Variants in FRMPD1 observed in about 807,000 individuals in gnomAD.
The protein encoded by FRMPD1 is FERM and PDZ domain-containing protein 1.
Under a neutral mutation model 117.8 loss-of-function variants are expected in FRMPD1, and 76 were observed. The observed-to-expected ratio is 0.65, with a 90% CI of 0.54 to 0.78. The LOEUF is 0.78. FRMPD1 is among the 30% of genes least tolerant of loss of function. The pLI is 0.00. For missense variants in FRMPD1, 1,786 were observed against 1,964.5 expected (o/e 0.91, Z 1.72); for synonymous variants, 783 against 770.4 (o/e 1.02, Z -0.27).
At chr9:37,647,836 G>A (rs1346833878), upstream of FRMPD1, among the ~76,000 whole-genome samples, 2 of 152,196 alleles carry the variant, frequency 1.3e-5, no homozygotes, top group East Asian at 3.8e-4. Context: ...GAAGAAGTTT[G>A]TCCAATAGGT....
chr9:37,646,877 T>C (rs1824149595), upstream of FRMPD1, among the ~76,000 whole-genome samples: 1 of 152,190 alleles, frequency 6.6e-6, no homozygotes, highest in South Asian at 2.1e-4. Flanking sequence ...AGGAGATTGA[T>C]ACAGGTAAGG....
At chr9:37,735,420 G>A (rs760469199) in intron 12 of FRMPD1, 132 bp from the exon 13 acceptor site, 19 of 678,212 alleles carry the variant, frequency 2.8e-5, no homozygotes, top group Non-Finnish European at 4.4e-5. Context: ...TTAGGCAATA[G>A]TCTGGAGGAG....
intron 1 of FRMPD1, among the ~76,000 whole-genome samples, chr9:37,680,976 A>G (rs1393781514): frequency 6.6e-6 from 1 of 152,128 alleles, no homozygotes; most frequent in Non-Finnish European, 1.5e-5. Context: ...TTGGGAAGCC[A>G]AGGCAGGTAG....
chr9:37,744,467 G>A lies in FRMPD1; in HGVS notation c.2435G>A (p.Ser812Asn). The change falls in exon 16 of 16, where the codon AGC becomes AAC. Residue 812 changes from serine (S) to asparagine (N), a missense_variant. Coordinates refer to ENST00000377765, the MANE Select transcript of FRMPD1 (RefSeq NM_014907.3). ...NKASTSSPEN[S>N]LPCGPDGRQP... is the part of the protein sequence containing the mutation. ...GCCAGCACTTCTAGCCCTGAGAACA[G>A]CCTGCCTTGTGGGCCAGATGGAAGA... 6.2e-7 allele frequency: 1 copy of A among 1,614,152 alleles called. No individual in the cohort carries two copies. The highest frequency in any genetic ancestry group is 8.5e-7 in the Non-Finnish European group (1 of 1,180,016).
intron 3 of FRMPD1, 70 bp downstream of exon 3, chr9:37,707,643 T>G: frequency 7.8e-7 from 1 of 1,274,688 alleles, no homozygotes; most frequent in Non-Finnish European, 1.1e-6. Flanking sequence ...ATCTCCCCGA[T>G]CTCTCTATCC....
intron 1 of FRMPD1, among the ~76,000 whole-genome samples, chr9:37,677,678 G>A (rs16934367): frequency 0.024 from 3,699 of 152,266 alleles, 165 homozygotes; most frequent in African/African-American, 0.084. Flanking sequence ...AGGTCACTGG[G>A]GAAGAACTGT....
chr9:37,723,378 G>A (rs1027582450), intron 6 of FRMPD1, among the ~76,000 whole-genome samples: 30 of 152,278 alleles, frequency 2.0e-4, no homozygotes, highest in Admixed American at 3.3e-4. Context: ...CTTCTCCACC[G>A]TTTGTCGTAT....
At position 37,745,941 on chromosome 9, in the gene FRMPD1, T is replaced by C; in HGVS notation, c.3909T>C (p.His1303=). 1 of 1,614,242 alleles carries C rather than the reference T, an allele frequency of 6.2e-7. No individual in the cohort carries two copies. Among genetic ancestry groups the C allele is most frequent in the Non-Finnish European group, 8.5e-7 (1 of 1,180,030 alleles). ...KSFLCFAPES[H]PEVSASLRVA... is the part of the protein sequence containing the mutation. ...TTCTGTGCTTTGCCCCAGAAAGCCA[T>C]CCTGAAGTCTCTGCCAGTCTCAGGG... The change falls in exon 16 of 16, where the codon CAT becomes CAC. Residue 1303 remains histidine (H), a synonymous_variant. Transcript: ENST00000377765.
At chr9:37,648,825 T>C (rs1323487571), upstream of FRMPD1, among the ~76,000 whole-genome samples, 1 of 151,746 alleles carries the variant, frequency 6.6e-6, no homozygotes, top group Non-Finnish European at 1.5e-5. Flanking sequence ...GTGTTGAGAG[T>C]GGGGCACCTG....
chr9:37,617,013 G>A, the FRMPD1 span, among the ~76,000 whole-genome samples: 6 of 152,120 alleles, frequency 3.9e-5, no homozygotes, highest in African/African-American at 9.7e-5. Flanking sequence ...CTTGCTTTCC[G>A]CAGACTGCAC....
intron 5 of FRMPD1, among the ~76,000 whole-genome samples, chr9:37,712,282 A>G (rs79828751): frequency 0.011 from 1,638 of 152,336 alleles, 26 homozygotes; most frequent in African/African-American, 0.034. Flanking sequence ...TCCTAAGTAA[A>G]GATTGAGTCA....
Position 37,718,715 on chromosome 9 carries a change from T to C in FRMPD1, c.409-354T>C, listed in dbSNP as rs189957144. On this transcript the variant is annotated intron_variant, in intron 5 of 15. Transcript: ENST00000377765. ...GTTGTGCTTTACACACGTACCTGGT[T>C]TTCTTTCATAAGAATTTGAGTTTGA... 9.2e-5 allele frequency among the ~76,000 whole-genome samples: 14 copies of C among 152,346 alleles called. No individual in the cohort carries two copies. In the East Asian group the frequency reaches 2.7e-3, roughly 29 times the overall value.
At chr9:37,713,533 T>G (rs1053028862) in intron 5 of FRMPD1, among the ~76,000 whole-genome samples, 1 of 151,772 alleles carries the variant, frequency 6.6e-6, no homozygotes, top group Non-Finnish European at 1.5e-5. Flanking sequence ...GAGGCTGCAG[T>G]GAGCTGAGAT....
rs144515264 is a variant in FRMPD1, at chr9:37,737,115, A to C, written c.1421A>C (p.Glu474Ala). Residue 474 changes from glutamate (E) to alanine (A), a missense_variant, in exon 14 of 16, where the codon GAA (glutamate) becomes GCA (alanine). Coordinates refer to ENST00000377765, the MANE Select transcript of FRMPD1 (RefSeq NM_014907.3). Reference sequence around the variant, plus strand: ...TCAAAGGTTCTGACTTTGCTGCTGGAATCCAACAGTGCAAAAGACCTAGCC... The same window carrying C: ...TCAAAGGTTCTGACTTTGCTGCTGGCATCCAACAGTGCAAAAGACCTAGCC... ...QDVKVLTLLL[E>A]SNSAKDLACL... The C allele has an allele frequency of 1.9e-6, 3 of 1,612,974 alleles. No individual in the cohort carries two copies. Among genetic ancestry groups the C allele is most frequent in the African/African-American group, 2.7e-5 (2 of 74,872 alleles).
chr9:37,737,561 C>T (rs3789020), intron 14 of FRMPD1, among the ~76,000 whole-genome samples: 18,105 of 152,086 alleles, frequency 0.12, 1,288 homozygotes, highest in East Asian at 0.33. Context: ...TTGTGGCTCA[C>T]GCCTGTAATC....
At chr9:37,623,814 A>G in the FRMPD1 span, among the ~76,000 whole-genome samples, 1 of 152,232 alleles carries the variant, frequency 6.6e-6, no homozygotes, top group South Asian at 2.1e-4. Flanking sequence ...AGGGATAAAC[A>G]AGGGCCCAAG....
At chr9:37,663,572 A>G (rs1821063031) in intron 1 of FRMPD1, among the ~76,000 whole-genome samples, 1 of 152,174 alleles carries the variant, frequency 6.6e-6, no homozygotes, top group Non-Finnish European at 1.5e-5. Flanking sequence ...GCCACACTCC[A>G]TCTACCAGTA....
Position 37,745,903 on chromosome 9 carries a change from G to C in FRMPD1, c.3871G>C (p.Ala1291Pro), listed in dbSNP as rs548307853. The C allele has an allele frequency of 2.5e-6, 4 of 1,614,190 alleles. No homozygotes were observed. The highest frequency in any genetic ancestry group is 3.4e-6 in the Non-Finnish European group (4 of 1,180,040). ...TGACAGCTCTAGCATCTGCCTTTCT[G>C]CTGAGAAGTCTTTTCTGTGCTTTGC... Reference protein sequence around the residue: ...KSDSSSICLSAEKSFLCFAPE... With the variant: ...KSDSSSICLSPEKSFLCFAPE... Residue 1291 changes from alanine to proline, a missense_variant, in exon 16 of 16, where the codon GCT becomes CCT. Transcript: ENST00000377765.
intron 15 of FRMPD1, 90 bp from the exon 16 acceptor site, chr9:37,744,299 A>C (rs1824570148): frequency 1.1e-6 from 1 of 921,474 alleles, no homozygotes; most frequent in African/African-American, 1.7e-5. Context: ...GCCAGAATTT[A>C]AACCCAGGAA....
Sources: allele counts gnomAD v4.1 joint callset (sites outside exome capture counted in the v4.1 genomes callset), GRCh38; gene constraint gnomAD v4.1.1; transcripts MANE v1.5; gene names NCBI Gene and HGNC (gene_info 2026-07-23, HGNC 2026-07-21).